The following NUBPL variants were observed in gnomAD, a reference collection of about 807,000 sequenced individuals.
NUBPL encodes the protein iron-sulfur cluster transfer protein NUBPL.
NUBPL carries 31 observed loss-of-function variants against 45.7 expected under a neutral mutation model. The observed-to-expected ratio is 0.68, with a 90% CI of 0.51 to 0.92. The LOEUF (loss-of-function observed/expected upper bound fraction) is 0.92. Among genes scored for constraint, NUBPL ranks in the 40% least tolerant of loss-of-function variants. The pLI, the probability that NUBPL is intolerant of heterozygous loss-of-function variation, is 0.00. For missense variants in NUBPL, 401 were observed against 398.7 expected, an observed-to-expected ratio of 1.01 and a Z score of -0.05; for synonymous variants, 144 against 140.9, an observed-to-expected ratio of 1.02 and a Z score of -0.15.
At chr14:31,562,994 A>G (rs1398033172) in intron 2 of NUBPL, 1 of 153,352 alleles carries the variant, frequency 6.5e-6, no homozygotes, top group Non-Finnish European at 1.5e-5. Flanking sequence ...TTTACCAAAT[A>G]TTGTATTTGT....
At chr14:31,580,812 A>T (rs922113221) in intron 3 of NUBPL, among the ~76,000 whole-genome samples, 2 of 152,192 alleles carry the variant, frequency 1.3e-5, no homozygotes, top group African/African-American at 4.8e-5. Flanking sequence ...GGAAAGCCTC[A>T]TGAACAGAAT....
rs182530492 is a variant in NUBPL, at chr14:31,857,039, G to A, written c.898-2079G>A. The stretch of plus-strand genomic sequence containing the variant: ...TCTCTTCTGCACTGCCCTAGCAGAG[G>A]TTCTTCGTAAGGACCTCGCCCCTAC... On this transcript the variant is annotated intron_variant, in intron 10 of 10. Transcript: ENST00000281081. Among the ~76,000 whole-genome samples, 13 of 152,330 alleles carry A rather than the reference G, an allele frequency of 8.5e-5. No homozygotes were observed. In the East Asian group the frequency reaches 2.3e-3, roughly 27 times the overall value.
intron 6 of NUBPL, among the ~76,000 whole-genome samples, chr14:31,775,614 GT>G (rs998419703): frequency 1.3e-5 from 2 of 152,124 alleles, no homozygotes; most frequent in Non-Finnish European, 2.9e-5. Flanking sequence ...CACTTGCTTT[GT>G]TTTTGATTAA....
chr14:31,654,584 A>AT (rs1472461951), intron 4 of NUBPL, among the ~76,000 whole-genome samples: 2 of 151,434 alleles, frequency 1.3e-5, no homozygotes, highest in East Asian at 1.9e-4. Flanking sequence ...AATTTTTTCT[A>AT]TTTTTTAGTA....
intron 4 of NUBPL, among the ~76,000 whole-genome samples, chr14:31,627,062 T>C (rs1239736758): frequency 1.3e-5 from 2 of 152,220 alleles, no homozygotes; most frequent in East Asian, 3.9e-4. Context: ...TAGTAGATAA[T>C]TCAGAGTTAT....
intron 8 of NUBPL, among the ~76,000 whole-genome samples, chr14:31,830,105 A>G (rs190316998): frequency 3.5e-4 from 53 of 152,254 alleles, no homozygotes; most frequent in African/African-American, 1.2e-3. Flanking sequence ...TTCTTTGATA[A>G]TCTCATTCCC....
chr14:31,750,892 A>G (rs1020778585), intron 6 of NUBPL, among the ~76,000 whole-genome samples: 1 of 152,202 alleles, frequency 6.6e-6, no homozygotes, highest in African/African-American at 2.4e-5. Context: ...ATCGATTTAC[A>G]GTTCCACATG....
intron 7 of NUBPL, among the ~76,000 whole-genome samples, chr14:31,808,410 T>G (rs1474462037): frequency 6.6e-6 from 1 of 152,204 alleles, no homozygotes; most frequent in African/African-American, 2.4e-5. Flanking sequence ...CACTCACGAT[T>G]TGGCTCTCTG....
chr14:31,651,572 G>T (rs2036004742), intron 4 of NUBPL, among the ~76,000 whole-genome samples: 1 of 152,100 alleles, frequency 6.6e-6, no homozygotes, highest in Non-Finnish European at 1.5e-5. Flanking sequence ...AAATATTTAA[G>T]AAACTTAATA....
intron 3 of NUBPL, among the ~76,000 whole-genome samples, chr14:31,565,711 G>C (rs191526853): frequency 6.6e-6 from 1 of 151,996 alleles, no homozygotes; most frequent in South Asian, 2.1e-4. Flanking sequence ...CTATGGTGGA[G>C]TTCTTAAATA....
At chr14:31,736,029 A>G (rs911393343) in intron 6 of NUBPL, among the ~76,000 whole-genome samples, 2 of 152,192 alleles carry the variant, frequency 1.3e-5, no homozygotes, top group Admixed American at 1.3e-4. Flanking sequence ...GAGGGAGTAT[A>G]TATTACTCAG....
intron 6 of NUBPL, among the ~76,000 whole-genome samples, chr14:31,737,053 A>G (rs950623295): frequency 2.0e-5 from 3 of 150,546 alleles, no homozygotes; most frequent in African/African-American, 7.4e-5. Flanking sequence ...AATTCATGAT[A>G]TATTTTGGAT....
intron 6 of NUBPL, among the ~76,000 whole-genome samples, chr14:31,702,318 C>T (rs938257621): frequency 6.6e-5 from 10 of 152,098 alleles, no homozygotes; most frequent in Admixed American, 1.3e-4. Flanking sequence ...ATTGGGGCTC[C>T]GTGATAGGGG....
intron 4 of NUBPL, among the ~76,000 whole-genome samples, chr14:31,669,685 G>A (rs1012999668): frequency 4.0e-5 from 6 of 150,572 alleles, no homozygotes; most frequent in African/African-American, 1.5e-4. Context: ...TTATCATTTA[G>A]TTCCCACTTG....
chr14:31,575,098 T>C lies in NUBPL; in HGVS notation c.291+10050T>C, dbSNP rs185632431. Among the ~76,000 whole-genome samples the C allele has an allele frequency of 4.6e-3, 697 of 152,296 alleles. 4 individuals are homozygous for C. Among genetic ancestry groups the C allele is most frequent in the Non-Finnish European group, 7.8e-3 (534 of 68,036 alleles). On this transcript the variant is annotated intron_variant, in intron 3 of 10. Coordinates refer to ENST00000281081, the MANE Select transcript of NUBPL (RefSeq NM_025152.3). ...TGATTACATAATGTCTTAACACTTA[T>C]TCTTCCTAGATGTACTGCTTTTTTT...
chr14:31,852,436 G>A (rs1383252905), intron 10 of NUBPL, among the ~76,000 whole-genome samples: 1 of 152,172 alleles, frequency 6.6e-6, no homozygotes, highest in Non-Finnish European at 1.5e-5. Flanking sequence ...ACTTTGGGAG[G>A]CTGAGGCGGG....
chr14:31,758,425 C>G (rs1379911389), intron 6 of NUBPL, among the ~76,000 whole-genome samples: 1 of 152,110 alleles, frequency 6.6e-6, no homozygotes, highest in Non-Finnish European at 1.5e-5. Context: ...TAGCTCTTAG[C>G]AAAGCTTCAG....
At chr14:31,635,194 G>C (rs1477061675) in intron 4 of NUBPL, among the ~76,000 whole-genome samples, 1 of 151,616 alleles carries the variant, frequency 6.6e-6, no homozygotes, top group African/African-American at 2.4e-5. Context: ...TAATGCCTAG[G>C]TTTTCTTCTA....
At chr14:31,742,806 C>A (rs1318537551) in intron 6 of NUBPL, among the ~76,000 whole-genome samples, 1 of 150,404 alleles carries the variant, frequency 6.6e-6, no homozygotes, top group Non-Finnish European at 1.5e-5. Context: ...GGGGTTTCAC[C>A]ATATTGGCCA....
Sources: allele counts gnomAD v4.1 joint callset (sites outside exome capture counted in the v4.1 genomes callset), GRCh38; gene constraint gnomAD v4.1.1; transcripts MANE v1.5; gene names NCBI Gene and HGNC (gene_info 2026-07-23, HGNC 2026-07-21).